Variants in DGKI observed in about 807,000 individuals in gnomAD.
DGKI encodes DAG kinase iota.
In DGKI, 55 loss-of-function variants were observed where a neutral mutation model predicts 147.5. The ratio of observed to expected loss-of-function variants is 0.37; its 90% CI spans 0.30 to 0.47. The LOEUF (loss-of-function observed/expected upper bound fraction) is 0.47. Ranked by LOEUF, DGKI falls within the 20% of genes least tolerant of loss-of-function variation. The probability of loss-of-function intolerance (pLI) is 1.00; values close to 1 mark genes in which losing one functional copy is unlikely to be tolerated. For missense variants in DGKI, 1,007 were observed against 1,323.8 expected, an observed-to-expected ratio of 0.76 and a Z score of 3.71; for synonymous variants, 469 against 477.1, an observed-to-expected ratio of 0.98 and a Z score of 0.22.
At chr7:137,659,373 A>C (rs1205098626) in intron 3 of DGKI, among the ~76,000 whole-genome samples, 1 of 152,242 alleles carries the variant, frequency 6.6e-6, no homozygotes, top group Admixed American at 6.5e-5. Flanking sequence ...TTCACGGTGT[A>C]TGACTACATT....
At position 137,846,470 on chromosome 7, in the gene DGKI, G is replaced by T; in HGVS notation, c.393C>A (p.Val131=). 6.3e-7 allele frequency: 1 copy of T among 1,593,110 alleles called. No homozygotes were observed. The change falls in exon 1 of 33, where the codon GTC becomes GTA. Residue 131 remains valine (V), a synonymous_variant. Coordinates refer to ENST00000614521, the MANE Select transcript of DGKI (RefSeq NM_001321708.2). The surrounding 1 kb of genome is among the most constrained non-coding windows in gnomAD (Gnocchi z 4.0). ...CGGCTCCCCGCACCTACCTGTACGA[G>T]ACCTGCTTCCGGAAAGTTAAGTTCC... is the stretch of plus-strand genomic sequence containing the variant. ...KLRNLTFRKQ[V]SYRKAISRAG... is the part of the protein sequence containing the mutation.
chr7:137,485,440 A>C (rs1419930068), intron 22 of DGKI, 22 bp from the exon 23 acceptor site: 1 of 1,591,298 alleles, frequency 6.3e-7, no homozygotes. Flanking sequence ...ATGAAAAAAA[A>C]AATCCATACC....
At chr7:137,487,169 G>T (rs929579530) in intron 22 of DGKI, among the ~76,000 whole-genome samples, 2 of 152,086 alleles carry the variant, frequency 1.3e-5, no homozygotes, top group Non-Finnish European at 2.9e-5. Context: ...AAATTCCTAT[G>T]AGATGTAGAG....
At chr7:137,761,791 G>A (rs1333614448) in intron 1 of DGKI, among the ~76,000 whole-genome samples, 1 of 152,138 alleles carries the variant, frequency 6.6e-6, no homozygotes, top group Non-Finnish European at 1.5e-5. Context: ...TGTTCCTCCA[G>A]ACTTCTCTCC....
At chr7:137,761,465 A>G (rs939861221) in intron 1 of DGKI, among the ~76,000 whole-genome samples, 2 of 152,212 alleles carry the variant, frequency 1.3e-5, no homozygotes, top group Non-Finnish European at 2.9e-5. Context: ...CATTTGTAAA[A>G]CAACCACAGC....
At chr7:137,706,661 C>T (rs1794040605) in intron 1 of DGKI, among the ~76,000 whole-genome samples, 2 of 151,812 alleles carry the variant, frequency 1.3e-5, no homozygotes, top group East Asian at 1.9e-4. Flanking sequence ...CAACCTCCGC[C>T]TCCCGGGTTC....
intron 23 of DGKI, among the ~76,000 whole-genome samples, chr7:137,472,362 AC>A (rs1814992470): frequency 8.5e-6 from 1 of 118,144 alleles, no homozygotes; most frequent in South Asian, 2.3e-4. Flanking sequence ...ATGTATATAT[AC>A]ATATAATTAT....
At chr7:137,599,119 C>T (rs535470566) in intron 11 of DGKI, among the ~76,000 whole-genome samples, 5 of 152,266 alleles carry the variant, frequency 3.3e-5, no homozygotes, top group Admixed American at 6.5e-5. Flanking sequence ...AACATCTGAA[C>T]TATCCTAGTA....
At position 137,654,791 on chromosome 7, in the gene DGKI, G is replaced by T. The variant is rs1160985980; in HGVS notation, c.682-3C>A. 3 of 1,593,084 alleles carry T rather than the reference G, an allele frequency of 1.9e-6. No individual in the cohort carries two copies. Among genetic ancestry groups the T allele is most frequent in the Non-Finnish European group, 1.7e-6 (2 of 1,163,396 alleles). ...GTTGGTTTACATCTGAAATTAATCT[G>T]TCATTCAAAAAGAAAAGTATATTAT... is the stretch of plus-strand genomic sequence containing the variant. On this transcript the variant is annotated splice_region_variant and splice_polypyrimidine_tract_variant and intron_variant, in intron 4 of 32. Coordinates refer to ENST00000614521, the MANE Select transcript of DGKI (RefSeq NM_001321708.2).
At chr7:137,615,808 C>G (rs1226305140) in intron 8 of DGKI, among the ~76,000 whole-genome samples, 2 of 151,872 alleles carry the variant, frequency 1.3e-5, no homozygotes, top group African/African-American at 4.8e-5. Context: ...TTTTTTATGT[C>G]TATAGAATTT....
At chr7:137,828,573 C>A (rs1798129389) in intron 1 of DGKI, among the ~76,000 whole-genome samples, 1 of 152,068 alleles carries the variant, frequency 6.6e-6, no homozygotes, top group Non-Finnish European at 1.5e-5. Flanking sequence ...TTTTTCATTT[C>A]TCATCATCCT....
chr7:137,696,753 C>G (rs1486080882), intron 1 of DGKI, among the ~76,000 whole-genome samples: 6 of 152,118 alleles, frequency 3.9e-5, no homozygotes, highest in Non-Finnish European at 1.5e-5. Context: ...ATGGGCTGAA[C>G]TGTGTCACCC....
intron 21 of DGKI, among the ~76,000 whole-genome samples, chr7:137,497,378 T>C (rs1816006855): frequency 6.6e-6 from 1 of 152,138 alleles, no homozygotes; most frequent in Non-Finnish European, 1.5e-5. Context: ...TGGAAAGCAG[T>C]TTGGCAATTA....
At chr7:137,567,297 A>C (rs1394553711) in intron 19 of DGKI, among the ~76,000 whole-genome samples, 1 of 151,984 alleles carries the variant, frequency 6.6e-6, no homozygotes, top group African/African-American at 2.4e-5. Flanking sequence ...GAATATCACT[A>C]TTTTGCAACC....
chr7:137,834,879 C>A (rs1304332432), intron 1 of DGKI, among the ~76,000 whole-genome samples: 1 of 152,148 alleles, frequency 6.6e-6, no homozygotes, highest in African/African-American at 2.4e-5. Flanking sequence ...ATAGTGCAAT[C>A]AAAAAATATA....
intron 1 of DGKI, among the ~76,000 whole-genome samples, chr7:137,782,737 C>T (rs1318328400): frequency 6.6e-6 from 1 of 152,220 alleles, no homozygotes; most frequent in Non-Finnish European, 1.5e-5. Context: ...ACAGAGTCCA[C>T]TTTACTCCCC....
chr7:137,553,596 A>C (rs1362581089), intron 19 of DGKI, among the ~76,000 whole-genome samples: 1 of 152,230 alleles, frequency 6.6e-6, no homozygotes, highest in Admixed American at 6.5e-5. Flanking sequence ...CTAGGAAATA[A>C]AAGAAAAATC....
intron 14 of DGKI, 103 bp from the exon 15 acceptor site, chr7:137,582,031 A>G: frequency 1.2e-6 from 1 of 800,148 alleles, no homozygotes; most frequent in South Asian, 1.8e-5. Flanking sequence ...AGTCCCTAGG[A>G]GACAGATCAG....
intron 28 of DGKI, among the ~76,000 whole-genome samples, chr7:137,440,037 C>A (rs569177377): frequency 6.6e-6 from 1 of 152,132 alleles, no homozygotes; most frequent in Non-Finnish European, 1.5e-5. Context: ...TTCCAAGGAG[C>A]CTGTAAAATA....
Sources: gnomAD v4.1 joint callset for allele counts (sites outside exome capture counted in the v4.1 genomes callset) on GRCh38, gnomAD v4.1.1 for gene constraint, Gnocchi (gnomAD v3.1) non-coding constraint, MANE v1.5 for transcripts, NCBI Gene and HGNC (gene_info 2026-07-23, HGNC 2026-07-21) for gene names.